Variants in NRG1 observed in about 807,000 individuals in gnomAD.
The protein encoded by NRG1 is neuregulin 1.
In NRG1, 18 loss-of-function variants were observed where a neutral mutation model predicts 63.8. That is an observed-to-expected ratio of 0.28 (90% CI 0.19 to 0.42). The LOEUF is 0.42. NRG1 is among the 10% of genes least tolerant of loss of function. The pLI, the probability that NRG1 is intolerant of heterozygous loss-of-function variation, is 1.00. For missense variants in NRG1, 762 were observed against 814.7 expected, an observed-to-expected ratio of 0.94 and a Z score of 0.79; for synonymous variants, 302 against 301.3, an observed-to-expected ratio of 1.00 and a Z score of -0.02.
At position 32,463,873 on chromosome 8, in the gene NRG1, TC is replaced by T. The variant is rs369621340; in HGVS notation, c.38-131954del. On this transcript the variant is annotated intron_variant, in intron 1 of 10. Transcript: ENST00000519301. ...CACACACACGAAAAAAACTTAGAATTCTTTTTTTTTTTTTTTTTTTTTTTTT... is the reference window on the plus strand; with the variant it reads ...CACACACACGAAAAAAACTTAGAATTTTTTTTTTTTTTTTTTTTTTTTTTT... Among the ~76,000 whole-genome samples, 12 of 90,246 alleles carry T rather than the reference TC, an allele frequency of 1.3e-4. 1 individual carries two copies. The highest frequency in any genetic ancestry group is 5.4e-4 in the African/African-American group (11 of 20,510). The allele number at this position is 90,246 out of a possible 152,430, so 59.2% of individuals were successfully genotyped here. A position where few individuals can be genotyped will look rare whatever the true frequency, so the allele number is the denominator to read the frequency against.
rs918252079 is a variant in NRG1, at chr8:32,464,673, TTTTG to T, written c.38-131143_38-131140del. Among the ~76,000 whole-genome samples, 10 of 152,178 alleles carry T rather than the reference TTTTG, an allele frequency of 6.6e-5. No individual in the cohort carries two copies. The East Asian group carries it at 9.6e-4, about 15-fold the overall frequency. On this transcript the variant is annotated intron_variant, in intron 1 of 10. Transcript: ENST00000519301. The stretch of plus-strand genomic sequence containing the variant: ...TGAATCTTCCCAGACCGTGGTTTTT[TTTTG>T]TTTGTTTGTTTTGTTTTTTATTAAA...
chr8:31,644,253 C>G (rs758864161), intron 1 of NRG1, among the ~76,000 whole-genome samples: 10 of 152,120 alleles, frequency 6.6e-5, no homozygotes, highest in Non-Finnish European at 1.3e-4. Flanking sequence ...TGTGACTGCT[C>G]TTTTTAAACT....
intron 1 of NRG1, among the ~76,000 whole-genome samples, chr8:31,954,190 C>A (rs1288285583): frequency 6.6e-6 from 1 of 152,128 alleles, no homozygotes; most frequent in East Asian, 1.9e-4. Context: ...AGCCCTGGAG[C>A]TGGAACAGAC....
chr8:32,541,826 T>G (rs1452710786), intron 1 of NRG1, among the ~76,000 whole-genome samples: 1 of 152,156 alleles, frequency 6.6e-6, no homozygotes, highest in African/African-American at 2.4e-5. Context: ...ATATGGATGA[T>G]GGGAATATAG....
chr8:32,159,979 C>T (rs1420379060), intron 1 of NRG1, among the ~76,000 whole-genome samples: 1 of 152,094 alleles, frequency 6.6e-6, no homozygotes, highest in Admixed American at 6.5e-5. Context: ...TGAGAAGAAA[C>T]GTCCTAAGAA....
At chr8:32,359,858 G>A (rs987031851) in intron 1 of NRG1, among the ~76,000 whole-genome samples, 1 of 152,176 alleles carries the variant, frequency 6.6e-6, no homozygotes, top group African/African-American at 2.4e-5. Flanking sequence ...ATGATGTCAT[G>A]CCAGAAAGAT....
At chr8:31,766,836 T>C (rs2131548511) in intron 1 of NRG1, among the ~76,000 whole-genome samples, 1 of 152,350 alleles carries the variant, frequency 6.6e-6, no homozygotes, top group South Asian at 2.1e-4. Flanking sequence ...AGATTACCAC[T>C]TGTTACGATC....
Position 32,515,606 on chromosome 8 carries a change from C to T in NRG1, c.38-80222C>T, listed in dbSNP as rs78498585. On this transcript the variant is annotated intron_variant, in intron 1 of 10. Transcript: ENST00000519301. ...TACATATGTGTGCCAACACACCCAG[C>T]TCATTAAAAAAAATTGTAGAAACAA... is the stretch of plus-strand genomic sequence containing the variant. Among the ~76,000 whole-genome samples, 564 of 151,978 alleles carry T rather than the reference C, an allele frequency of 3.7e-3. 6 individuals carry two copies. Among genetic ancestry groups the T allele is most frequent in the African/African-American group, 0.013 (537 of 41,464 alleles).
rs865912140 is a variant in NRG1 at position 31,907,951 on chromosome 8, C to G, written c.37+268520C>G. On this transcript the variant is annotated intron_variant, in intron 1 of 10. Transcript: ENST00000519301. ...TACATACGAAGTTCTCAACTAATGT[C>G]TGTTAATTTAAATTGAAGAAGCTTT... Among the ~76,000 whole-genome samples the G allele has an allele frequency of 4.6e-5, 7 of 152,122 alleles. No homozygotes were observed. In the South Asian group the frequency reaches 1.5e-3, roughly 32 times the overall value.
At chr8:32,272,430 A>G (rs566034335) in intron 1 of NRG1, among the ~76,000 whole-genome samples, 2 of 152,260 alleles carry the variant, frequency 1.3e-5, no homozygotes, top group South Asian at 2.1e-4. Flanking sequence ...GCTTCAACCC[A>G]TGAATTGGTA....
At chr8:32,569,397 A>G (rs1273161522) in intron 1 of NRG1, among the ~76,000 whole-genome samples, 2 of 152,200 alleles carry the variant, frequency 1.3e-5, no homozygotes, top group Non-Finnish European at 2.9e-5. Context: ...CTGTGTGTGC[A>G]TGTATACGTA....
chr8:32,358,877 A>T (rs375259279), intron 1 of NRG1, among the ~76,000 whole-genome samples: 20 of 152,316 alleles, frequency 1.3e-4, no homozygotes, highest in South Asian at 1.2e-3. Context: ...TGTTTCTTAA[A>T]AAATAAATAA....
intron 4 of NRG1, among the ~76,000 whole-genome samples, chr8:32,615,447 C>T (rs1847179246): frequency 6.6e-6 from 1 of 152,044 alleles, no homozygotes; most frequent in African/African-American, 2.4e-5. Context: ...TGAAACAAGA[C>T]ATCATTTTTC....
chr8:32,430,635 G>A (rs182464920), intron 1 of NRG1, among the ~76,000 whole-genome samples: 8 of 152,298 alleles, frequency 5.3e-5, no homozygotes, highest in African/African-American at 7.2e-5. Context: ...AATGAGGACT[G>A]TGCATTTCCT....
chr8:32,048,464 T>C (rs866096293), intron 1 of NRG1, among the ~76,000 whole-genome samples: 4 of 134,506 alleles, frequency 3.0e-5, no homozygotes, highest in East Asian at 2.1e-4. Flanking sequence ...TATATATATA[T>C]ATATATATAT....
At chr8:31,876,739 C>T (rs999955401) in intron 1 of NRG1, among the ~76,000 whole-genome samples, 1 of 152,142 alleles carries the variant, frequency 6.6e-6, no homozygotes, top group Non-Finnish European at 1.5e-5. Context: ...ATTCACTTCT[C>T]TCTGCATTCT....
At chr8:32,557,556 A>T (rs1320152280) in intron 1 of NRG1, among the ~76,000 whole-genome samples, 2 of 152,194 alleles carry the variant, frequency 1.3e-5, no homozygotes, top group African/African-American at 4.8e-5. Flanking sequence ...AATAGCAGTC[A>T]TATTGAAACT....
intron 1 of NRG1, among the ~76,000 whole-genome samples, chr8:32,196,592 G>A (rs1251500075): frequency 6.6e-6 from 1 of 152,076 alleles, no homozygotes; most frequent in African/African-American, 2.4e-5. Flanking sequence ...AGAGCCCTGG[G>A]AACAGAGAAG....
intron 1 of NRG1, among the ~76,000 whole-genome samples, chr8:32,142,522 A>G (rs116796613): frequency 0.013 from 1,930 of 152,320 alleles, 44 homozygotes; most frequent in African/African-American, 0.044. Flanking sequence ...GTTTCTAAAC[A>G]TATTGTTTAG....
Sources: allele counts gnomAD v4.1 joint callset (sites outside exome capture counted in the v4.1 genomes callset), GRCh38; gene constraint gnomAD v4.1.1; transcripts MANE v1.5; gene names NCBI Gene and HGNC (gene_info 2026-07-23, HGNC 2026-07-21).